WLS: variants seen among roughly 807,000 people sequenced by gnomAD.
WLS encodes the protein protein wntless homolog.
A neutral mutation model predicts 62.8 loss-of-function variants in WLS; 23 were observed. The observed-to-expected ratio is 0.37, with a 90% CI of 0.26 to 0.52. WLS has a LOEUF of 0.52. Ranked by LOEUF, WLS falls within the 20% of genes least tolerant of loss-of-function variation. The pLI is 0.92. For missense variants in WLS, 615 were observed against 697.3 expected (o/e 0.88, Z 1.33); for synonymous variants, 246 against 244.1 (o/e 1.01, Z -0.07).
chr1:68,193,383 T>G (rs1378559489), intron 2 of WLS, among the ~76,000 whole-genome samples: 2 of 103,074 alleles, frequency 1.9e-5, no homozygotes, highest in Non-Finnish European at 3.5e-5. Flanking sequence ...TCAGAGTTTT[T>G]AACTGCAAAT....
chr1:68,159,197 C>A lies in WLS; in HGVS notation c.430G>T (p.Ala144Ser), dbSNP rs762774039. 6.2e-7 allele frequency: 1 copy of A among 1,613,930 alleles called. No homozygotes were observed. The highest frequency in any genetic ancestry group is 8.5e-7 in the Non-Finnish European group (1 of 1,180,000). ...MDVSLAYRDDAFAEWTEMAHE... is the reference protein window; with the variant it reads ...MDVSLAYRDDSFAEWTEMAHE... ...GCCATTTCAGTCCACTCAGCAAACG[C>A]GTCATCACGGTAAGCCAGGGAAACG... The change falls in exon 3 of 12, where the codon GCG becomes TCG. Residue 144 changes from alanine (A) to serine (S), a missense_variant. Transcript: ENST00000262348.
intron 9 of WLS, among the ~76,000 whole-genome samples, chr1:68,145,024 G>T (rs998130493): frequency 1.3e-5 from 2 of 152,182 alleles, no homozygotes; most frequent in African/African-American, 4.8e-5. Context: ...TGAACAAAAA[G>T]AAATGTGCAT....
intron 2 of WLS, among the ~76,000 whole-genome samples, chr1:68,172,213 T>C (rs1275052502): frequency 6.6e-6 from 1 of 151,798 alleles, no homozygotes; most frequent in Non-Finnish European, 1.5e-5. Context: ...CTAATGTAGA[T>C]GACGGGTTGA....
intron 1 of WLS, among the ~76,000 whole-genome samples, chr1:68,229,313 T>A (rs1462944474): frequency 2.6e-5 from 4 of 152,124 alleles, no homozygotes; most frequent in Non-Finnish European, 5.9e-5. Context: ...AAGTTGCTCT[T>A]CCTAAGTTTA....
chr1:68,223,816 G>A (rs982706604), intron 1 of WLS, among the ~76,000 whole-genome samples: 4 of 152,158 alleles, frequency 2.6e-5, no homozygotes, highest in Admixed American at 2.6e-4. Context: ...TCCTAGCCAA[G>A]TTTCTCTCCA....
intron 2 of WLS, among the ~76,000 whole-genome samples, chr1:68,187,144 G>C (rs1466699921): frequency 7.1e-6 from 1 of 140,452 alleles, no homozygotes; most frequent in African/African-American, 2.7e-5. Context: ...ACCCGGGATC[G>C]TGCCACTGCA....
chr1:68,123,272 C>T (rs150643155), downstream of WLS, among the ~76,000 whole-genome samples: 21 of 152,310 alleles, frequency 1.4e-4, no homozygotes, highest in African/African-American at 4.3e-4. Flanking sequence ...GACTTGGATC[C>T]TTAAATGCTG....
chr1:68,110,007 T>TAAAAAAAAAAAAAAAAAAAAAAAAAA (rs11290966), intron 11 of WLS, among the ~76,000 whole-genome samples: 7 of 28,392 alleles, frequency 2.5e-4, no homozygotes, highest in African/African-American at 3.2e-4. Flanking sequence ...ACACAAAAAG[T>TAAAAAAAAAAAAAAAAAAAAAAAAAA]AAAAAAAAAA....
chr1:68,160,071 C>CTTTTTTTTTTT (rs58448910), intron 2 of WLS, among the ~76,000 whole-genome samples: 1 of 93,574 alleles, frequency 1.1e-5, no homozygotes, highest in African/African-American at 3.8e-5. Context: ...GCAGAGAAGT[C>CTTTTTTTTTTT]TTTTTTTTTT....
At chr1:68,204,150 C>G (rs1649172692) in intron 1 of WLS, among the ~76,000 whole-genome samples, 1 of 152,138 alleles carries the variant, frequency 6.6e-6, no homozygotes, top group Non-Finnish European at 1.5e-5. Context: ...CTGTTAATGT[C>G]TTTATCTGGA....
intron 11 of WLS, among the ~76,000 whole-genome samples, chr1:68,130,302 A>G (rs1646499859): frequency 6.6e-6 from 1 of 152,188 alleles, no homozygotes; most frequent in South Asian, 2.1e-4. Flanking sequence ...AATAAGGCCT[A>G]CGTACTTCCA....
chr1:68,186,598 T>C (rs1219525264), intron 2 of WLS: 7 of 456,192 alleles, frequency 1.5e-5, no homozygotes, highest in Admixed American at 9.4e-5. Context: ...TCATGTGTAA[T>C]AGGATCTTGT....
chr1:68,118,840 G>C (rs544351936), intron 11 of WLS, among the ~76,000 whole-genome samples: 1 of 119,606 alleles, frequency 8.4e-6, no homozygotes, highest in African/African-American at 3.3e-5. Flanking sequence ...TCACGCCACT[G>C]CATTCCAGCC....
At chr1:68,135,305 CTT>C (rs71581156) in intron 11 of WLS, among the ~76,000 whole-genome samples, 3,480 of 66,610 alleles carry the variant, frequency 0.052, 15 homozygotes, top group African/African-American at 0.06. Flanking sequence ...CCATGCCTGG[CTT>C]TTTTTTTTTT....
intron 11 of WLS, among the ~76,000 whole-genome samples, chr1:68,110,399 TTAAAA>T (rs1009356770): frequency 3.0e-4 from 45 of 151,984 alleles, no homozygotes; most frequent in African/African-American, 9.9e-4. Context: ...ATTAAATAAA[TTAAAA>T]TGGTAGTCTA....
intron 1 of WLS, among the ~76,000 whole-genome samples, chr1:68,207,168 T>C (rs1036722754): frequency 3.9e-5 from 6 of 152,202 alleles, no homozygotes; most frequent in Admixed American, 1.3e-4. Flanking sequence ...CCATAATTTA[T>C]AATATGAGAA....
At chr1:68,126,854 A>T (rs544288580) in intron 11 of WLS, among the ~76,000 whole-genome samples, 7 of 152,110 alleles carry the variant, frequency 4.6e-5, no homozygotes, top group Non-Finnish European at 8.8e-5. Context: ...ACCCCTCCCA[A>T]CGGATGGGTC....
chr1:68,220,016 A>G (rs1204804783), intron 1 of WLS, among the ~76,000 whole-genome samples: 4 of 152,198 alleles, frequency 2.6e-5, no homozygotes, highest in Non-Finnish European at 5.9e-5. Flanking sequence ...TAAAAAAGTC[A>G]TGCTACCTGG....
chr1:68,186,493 C>T (rs1226673831), intron 2 of WLS: 10 of 393,008 alleles, frequency 2.5e-5, no homozygotes, highest in Middle Eastern at 3.5e-4. Context: ...AAGACTGCCA[C>T]GAAAAGTTAA....
Sources: allele counts gnomAD v4.1 joint callset (sites outside exome capture counted in the v4.1 genomes callset), GRCh38; gene constraint gnomAD v4.1.1; transcripts MANE v1.5; gene names NCBI Gene and HGNC (gene_info 2026-07-23, HGNC 2026-07-21).